Variants in BCR observed in about 807,000 individuals in gnomAD.
The protein encoded by BCR is breakpoint cluster region protein.
Under a neutral mutation model 138.6 loss-of-function variants are expected in BCR, and 58 were observed. The observed-to-expected ratio is 0.42, with a 90% confidence interval of 0.34 to 0.52. BCR has a LOEUF of 0.52. BCR is among the 20% of genes least tolerant of loss of function. The pLI is 0.06. For missense variants in BCR, 1,599 were observed against 1,727.2 expected (o/e 0.93, Z 1.32); for synonymous variants, 786 against 730.1 (o/e 1.08, Z -1.23).
chr22:23,315,835 A>G lies in BCR; in HGVS notation c.*313A>G. 1 of 458,506 alleles carries G rather than the reference A, an allele frequency of 2.2e-6. No homozygotes were observed. The highest frequency in any genetic ancestry group is 4.1e-6 in the Non-Finnish European group (1 of 243,826). The allele number at this position is 458,506 out of a possible 1,614,324, so 28.4% of individuals were successfully genotyped here. On this transcript the variant is annotated 3_prime_UTR_variant, in exon 23 of 23. Transcript: ENST00000305877. ...GAAGGGAGTGGTTTTTATGAACTTA[A>G]CTTAGAGTCTAAAAGATTTCTACTG...
In BCR at chr22:23,223,825, G is replaced by C. The variant is rs2072857561; in HGVS notation, c.1280-29974G>C. 2.0e-5 allele frequency among the ~76,000 whole-genome samples: 3 copies of C among 152,146 alleles called. No homozygotes were observed. In the South Asian group the frequency reaches 6.2e-4, roughly 32 times the overall value. On this transcript the variant is annotated intron_variant, in intron 1 of 22. Coordinates refer to ENST00000305877, the MANE Select transcript of BCR (RefSeq NM_004327.4). ...TTGACAGTGGGGGGCTTTGATTGCT[G>C]TCCCCCCTGTAATGGGAACACTTTG...
At chr22:23,262,786 G>C in intron 4 of BCR, 2 of 967,230 alleles carry the variant, frequency 2.1e-6, no homozygotes, top group East Asian at 1.1e-4. Flanking sequence ...AGCGAAGGAA[G>C]GGGAAGAGGA....
chr22:23,314,112 C>A, intron 21 of BCR, 39 bp downstream of exon 21: 1 of 1,528,812 alleles, frequency 6.5e-7, no homozygotes, highest in Non-Finnish European at 9.0e-7. Context: ...GGCTCCAGGT[C>A]CCCAGGCCGC....
At chr22:23,271,433 G>A (rs2073508068) in intron 5 of BCR, 99 bp from the exon 6 acceptor site, 3 of 1,229,886 alleles carry the variant, frequency 2.4e-6, no homozygotes, top group South Asian at 1.3e-5. Context: ...GGGGTTTGTT[G>A]TAGTGAGGGA....
At chr22:23,183,555 G>C (rs934096210) in intron 1 of BCR, among the ~76,000 whole-genome samples, 13 of 152,160 alleles carry the variant, frequency 8.5e-5, no homozygotes, top group African/African-American at 3.1e-4. Flanking sequence ...ATGTGGGGGC[G>C]GGGTGGAAGG....
intron 1 of BCR, among the ~76,000 whole-genome samples, chr22:23,208,982 T>C (rs7290268): frequency 0.068 from 10,332 of 152,304 alleles, 1,165 homozygotes; most frequent in African/African-American, 0.23. Context: ...AGTGGATTCA[T>C]ATAGCCTTCG....
intron 1 of BCR, among the ~76,000 whole-genome samples, chr22:23,210,290 A>G (rs1394931403): frequency 6.6e-6 from 1 of 151,872 alleles, no homozygotes; most frequent in African/African-American, 2.4e-5. Context: ...GGTGGCATGG[A>G]CCTATAGTCC....
intron 1 of BCR, chr22:23,242,750 C>T: frequency 2.5e-6 from 1 of 406,752 alleles, no homozygotes; most frequent in South Asian, 1.8e-5. Flanking sequence ...TCTTAGTGTC[C>T]TGTGGCTTCC....
At chr22:23,250,261 A>G (rs536159838) in intron 1 of BCR, among the ~76,000 whole-genome samples, 5 of 152,332 alleles carry the variant, frequency 3.3e-5, no homozygotes, top group East Asian at 1.9e-4. Context: ...GGGCTCGGAA[A>G]GCACTCAGAT....
intron 1 of BCR, among the ~76,000 whole-genome samples, chr22:23,230,501 G>A (rs185608426): frequency 2.0e-4 from 30 of 152,328 alleles, no homozygotes; most frequent in Non-Finnish European, 4.1e-4. Flanking sequence ...CACACACTGC[G>A]GATGCAGGCC....
At chr22:23,282,476 G>A (rs2073659116) in intron 8 of BCR, among the ~76,000 whole-genome samples, 1 of 152,248 alleles carries the variant, frequency 6.6e-6, no homozygotes, top group African/African-American at 2.4e-5. Context: ...AGCTGCTTAT[G>A]ATGGTGACAT....
At chr22:23,250,916 A>G (rs2073218531) in intron 1 of BCR, 1 of 152,212 alleles carries the variant, frequency 6.6e-6, no homozygotes, top group African/African-American at 2.4e-5. Flanking sequence ...GGGGAGGGCC[A>G]GAGCCTCGCT....
chr22:23,218,301 C>G (rs1954902419), intron 1 of BCR, among the ~76,000 whole-genome samples: 1 of 152,228 alleles, frequency 6.6e-6, no homozygotes, highest in African/African-American at 2.4e-5. Flanking sequence ...GGGACAGTGC[C>G]TCACGCCCAG....
At chr22:23,210,078 A>C (rs2072663829) in intron 1 of BCR, among the ~76,000 whole-genome samples, 1 of 152,232 alleles carries the variant, frequency 6.6e-6, no homozygotes, top group African/African-American at 2.4e-5. Context: ...TTATGGGTTG[A>C]AGGTAAAACA....
At chr22:23,209,145 C>T (rs1175953164) in intron 1 of BCR, among the ~76,000 whole-genome samples, 6 of 152,014 alleles carry the variant, frequency 3.9e-5, no homozygotes, top group Admixed American at 3.3e-4. Flanking sequence ...ATCACCTGAG[C>T]TCAGGAGTTC....
intron 16 of BCR, among the ~76,000 whole-genome samples, chr22:23,303,968 T>C (rs2073930312): frequency 6.8e-6 from 1 of 146,984 alleles, no homozygotes; most frequent in African/African-American, 2.5e-5. Flanking sequence ...AGGGTCTTGC[T>C]CTGTTGCCCA....
At chr22:23,267,243 G>A (rs1023934707) in intron 4 of BCR, among the ~76,000 whole-genome samples, 2 of 152,124 alleles carry the variant, frequency 1.3e-5, no homozygotes, top group Non-Finnish European at 2.9e-5. Context: ...GGGAAAGAAG[G>A]AAGAGCTCTG....
intron 1 of BCR, among the ~76,000 whole-genome samples, chr22:23,220,428 T>C (rs2072811303): frequency 6.6e-6 from 1 of 152,170 alleles, no homozygotes; most frequent in South Asian, 2.1e-4. Context: ...TTTGGTTCAG[T>C]GGCTATAACT....
chr22:23,257,547 G>C (rs2073308170), intron 2 of BCR, among the ~76,000 whole-genome samples: 2 of 152,254 alleles, frequency 1.3e-5, no homozygotes, highest in African/African-American at 4.8e-5. Context: ...GTGGATGGGT[G>C]GCGCTGCCCA....
Sources: gnomAD v4.1 joint callset for allele counts (sites outside exome capture counted in the v4.1 genomes callset) on GRCh38, gnomAD v4.1.1 for gene constraint, MANE v1.5 for transcripts, NCBI Gene and HGNC (gene_info 2026-07-23, HGNC 2026-07-21) for gene names.